The following BTNL8 variants were observed in gnomAD, a reference collection of about 807,000 sequenced individuals.
BTNL8 encodes butyrophilin-like protein 8.
A neutral mutation model predicts 36.1 loss-of-function variants in BTNL8; 22 were observed. The ratio of observed to expected loss-of-function variants is 0.61; its 90% CI spans 0.44 to 0.87. The LOEUF is 0.87. BTNL8 is among the 40% of genes least tolerant of loss of function. The probability of loss-of-function intolerance (pLI) is 0.00; values close to 1 mark genes in which losing one functional copy is unlikely to be tolerated. For missense variants in BTNL8, 526 were observed against 616.9 expected, an observed-to-expected ratio of 0.85 and a Z score of 1.56; for synonymous variants, 203 against 235.6, an observed-to-expected ratio of 0.86 and a Z score of 1.27.
rs369812809 is a variant in BTNL8, at chr5:180,899,273, C to T, written c.-38C>T. ...TCCATCCGTCACCTCTCCTGTCATC[C>T]GTTTCCATGCCGTGAGGTCCATTCA... On this transcript the variant is annotated 5_prime_UTR_variant, in exon 1 of 8. Coordinates refer to ENST00000340184, the MANE Select transcript of BTNL8 (RefSeq NM_001040462.3). The T allele has an allele frequency of 9.9e-6, 16 of 1,610,230 alleles. No individual in the cohort carries two copies. The highest frequency in any genetic ancestry group is 5.3e-5 in the African/African-American group (4 of 74,954).
At chr5:180,924,542 A>G (rs1758010757) in intron 3 of BTNL8, among the ~76,000 whole-genome samples, 1 of 152,254 alleles carries the variant, frequency 6.6e-6, no homozygotes, top group African/African-American at 2.4e-5. Context: ...CAGCAGTTCC[A>G]TTTAATGTCA....
At chr5:180,911,884 G>T (rs1250172092) in intron 3 of BTNL8, among the ~76,000 whole-genome samples, 2 of 152,154 alleles carry the variant, frequency 1.3e-5, no homozygotes, top group Admixed American at 1.3e-4. Flanking sequence ...GGGTCCACTT[G>T]ACTGGGTCAC....
At chr5:180,902,116 C>T (rs1756846261) in intron 1 of BTNL8, among the ~76,000 whole-genome samples, 1 of 151,982 alleles carries the variant, frequency 6.6e-6, no homozygotes, top group Admixed American at 6.6e-5. Flanking sequence ...ATGGCCCATA[C>T]TCTTCTCTGG....
chr5:180,912,319 A>T (rs1757437148), intron 3 of BTNL8, among the ~76,000 whole-genome samples: 1 of 152,184 alleles, frequency 6.6e-6, no homozygotes, highest in Non-Finnish European at 1.5e-5. Flanking sequence ...GACCTAAAAG[A>T]GCTTCCATGA....
intron 4 of BTNL8, chr5:180,947,938 G>T: frequency 1.2e-6 from 1 of 856,188 alleles, no homozygotes; most frequent in East Asian, 2.5e-5. Flanking sequence ...TTTTAATGTG[G>T]TGAACAAATT....
At chr5:180,930,373 G>A (rs1758313151) in intron 3 of BTNL8, among the ~76,000 whole-genome samples, 1 of 152,146 alleles carries the variant, frequency 6.6e-6, no homozygotes, top group Admixed American at 6.5e-5. Flanking sequence ...GGCAAAAACT[G>A]GAAGCATTCC....
chr5:180,939,234 T>C, intron 3 of BTNL8, among the ~76,000 whole-genome samples: 1 of 152,026 alleles, frequency 6.6e-6, no homozygotes, highest in East Asian at 1.9e-4. Flanking sequence ...ATTCCCTAAT[T>C]AAAATATATA....
At position 180,908,878 on chromosome 5, in the gene BTNL8, C is replaced by T; in HGVS notation, c.342C>T (p.Cys114=). The change falls in exon 2 of 8, where the codon TGC becomes TGT. Residue 114 remains cysteine (C), a synonymous_variant. Coordinates refer to ENST00000340184, the MANE Select transcript of BTNL8 (RefSeq NM_001040462.3). The stretch of plus-strand genomic sequence containing the variant: ...TGTTGGATGCTGGCCTCTATGGGTG[C>T]AGGATTAGTTCCCAGTCTTACTACC... ...ITVLDAGLYG[C]RISSQSYYQK... is the part of the protein sequence containing the mutation. 4 of 1,614,158 alleles carry T rather than the reference C, an allele frequency of 2.5e-6. No homozygotes were observed. Among genetic ancestry groups the T allele is most frequent in the Non-Finnish European group, 3.4e-6 (4 of 1,180,034 alleles).
At chr5:180,922,386 G>A (rs1031273994) in intron 3 of BTNL8, among the ~76,000 whole-genome samples, 3 of 151,720 alleles carry the variant, frequency 2.0e-5, no homozygotes, top group African/African-American at 7.3e-5. Context: ...GTGCTGGTAT[G>A]TTGTGTCTTT....
At chr5:180,899,450 G>T in intron 1 of BTNL8, 91 bp downstream of exon 1, 1 of 1,432,114 alleles carries the variant, frequency 7.0e-7, no homozygotes, top group South Asian at 1.2e-5. Flanking sequence ...AGGCATCTTT[G>T]TCGTTTCCAT....
rs1223138135 is a variant in BTNL8 at position 180,950,617 on chromosome 5, C to T, written c.*73C>T. 10 of 1,384,540 alleles carry T rather than the reference C, an allele frequency of 7.2e-6. 3 individuals carry two copies. The highest frequency in any genetic ancestry group is 2.5e-5 in the East Asian group (1 of 40,056). 85.8% of individuals were successfully genotyped at this position (1,384,540 alleles called of 1,614,324 possible). The stretch of plus-strand genomic sequence containing the variant: ...CCCAGATCCAAAGTCCCGCAGCAGC[C>T]GGCCAAGGTGGCTTCCAGATGAAGG... On this transcript the variant is annotated 3_prime_UTR_variant, in exon 8 of 8. Coordinates refer to ENST00000340184, the MANE Select transcript of BTNL8 (RefSeq NM_001040462.3).
chr5:180,950,172 C>G lies in BTNL8; in HGVS notation c.1131C>G (p.Tyr377Ter). The G allele has an allele frequency of 1.4e-6, 2 of 1,462,954 alleles. 1 individual carries two copies. The highest frequency in any genetic ancestry group is 1.9e-6 in the Non-Finnish European group (2 of 1,058,888). 90.6% of individuals were successfully genotyped at this position (1,462,954 alleles called of 1,614,324 possible). ...TGACTTTGTCTCCCGATCATGGGTA[C>G]TGGGTCCTCAGACTGAATGGAGAAC... is the stretch of plus-strand genomic sequence containing the variant. Reference protein sequence around the residue: ...EYVTLSPDHGYWVLRLNGEHL... With the variant: ...EYVTLSPDHG The change falls in exon 8 of 8, where the codon TAC becomes TAG. Residue 377 changes from tyrosine (Y) to a stop codon, truncating the protein, a stop_gained. Transcript: ENST00000340184. LOFTEE classifies it low-confidence loss of function (END_TRUNC).
At chr5:180,912,635 G>A (rs1328638171) in intron 3 of BTNL8, among the ~76,000 whole-genome samples, 3 of 152,078 alleles carry the variant, frequency 2.0e-5, no homozygotes, top group Non-Finnish European at 4.4e-5. Context: ...AGGCTGAGGT[G>A]GGAGGATCAC....
rs116671813 is a variant in BTNL8 at position 180,899,510 on chromosome 5, A to G, written c.49+151A>G. 1,638 of 883,170 alleles carry G rather than the reference A, an allele frequency of 1.9e-3. 14 individuals are homozygous for G. The African/African-American group carries it at 0.023, about 13-fold the overall frequency. The allele number at this position is 883,170 out of a possible 1,614,324, so 54.7% of individuals were successfully genotyped here. ...CCTGGGGAAGGATCAGGCGCTGTGG[A>G]AACAATTATAGTAGCCCCCAAATAA... On this transcript the variant is annotated intron_variant, in intron 1 of 7. Coordinates refer to ENST00000340184, the MANE Select transcript of BTNL8 (RefSeq NM_001040462.3).
intron 3 of BTNL8, among the ~76,000 whole-genome samples, chr5:180,946,187 G>A (rs922859296): frequency 6.6e-6 from 1 of 152,092 alleles, no homozygotes; most frequent in Non-Finnish European, 1.5e-5. Context: ...TTATTGGTGG[G>A]AATGTAAATT....
intron 1 of BTNL8, among the ~76,000 whole-genome samples, chr5:180,902,682 T>C (rs7735854): frequency 0.53 from 59,943 of 112,360 alleles, 15,061 homozygotes; most frequent in African/African-American, 0.71. Context: ...CCCCTCCCCC[T>C]ACCCCACAAC....
intron 1 of BTNL8, among the ~76,000 whole-genome samples, chr5:180,904,765 C>G (rs2113766239): frequency 6.7e-6 from 1 of 150,104 alleles, no homozygotes; most frequent in Non-Finnish European, 1.5e-5. Flanking sequence ...AAGGCTTTTT[C>G]TGCATCTATT....
intron 3 of BTNL8, among the ~76,000 whole-genome samples, chr5:180,913,679 G>C (rs1188931832): frequency 2.0e-5 from 3 of 152,206 alleles, no homozygotes; most frequent in African/African-American, 7.2e-5. Flanking sequence ...GCTGAAGCAT[G>C]GATCAAAATG....
At position 180,938,727 on chromosome 5, in the gene BTNL8, G is replaced by A. The variant is rs575293110; in HGVS notation, c.674-8785G>A. 4.2e-3 allele frequency among the ~76,000 whole-genome samples: 640 copies of A among 151,834 alleles called. 6 individuals carry two copies. Among genetic ancestry groups the A allele is most frequent in the African/African-American group, 0.015 (614 of 41,362 alleles). On this transcript the variant is annotated intron_variant, in intron 3 of 7. Coordinates refer to ENST00000340184, the MANE Select transcript of BTNL8 (RefSeq NM_001040462.3). ...TAATTTTTGTATTTTTAGTAGAGAC[G>A]GGGTTTCGCCATGTTGGTCAGGATG...
Sources: allele counts gnomAD v4.1 joint callset (sites outside exome capture counted in the v4.1 genomes callset), GRCh38; gene constraint gnomAD v4.1.1; transcripts MANE v1.5; gene names NCBI Gene and HGNC (gene_info 2026-07-23, HGNC 2026-07-21).